Variants in LACTBL1 observed in about 807,000 individuals in gnomAD.
LACTBL1 encodes lactamase beta like 1.
LACTBL1 carries 29 observed loss-of-function variants against 39.6 expected under a neutral mutation model. The ratio of observed to expected loss-of-function variants is 0.73; its 90% CI spans 0.55 to 1.00. LACTBL1 has a LOEUF of 1.00. Among genes scored for constraint, LACTBL1 ranks in the 50% least tolerant of loss-of-function variants. LACTBL1 has a pLI of 0.00. For synonymous variants in LACTBL1, 361 were observed against 360.7 expected (o/e 1.00, Z -0.01); for missense variants, 711 against 748.5 (o/e 0.95, Z 0.59).
upstream of LACTBL1, among the ~76,000 whole-genome samples, chr1:22,966,128 A>G (rs1640873895): frequency 6.6e-6 from 1 of 152,254 alleles, no homozygotes; most frequent in Non-Finnish European, 1.5e-5. Flanking sequence ...CTTGAAAATA[A>G]TAGTACCTAC....
upstream of LACTBL1, among the ~76,000 whole-genome samples, chr1:22,969,770 A>T (rs1354693810): frequency 6.6e-6 from 1 of 151,968 alleles, no homozygotes; most frequent in Non-Finnish European, 1.5e-5. Context: ...AAGCCTTCTC[A>T]TTCTTCCCCA....
At chr1:22,972,512 C>G in the LACTBL1 span, 1 of 801,484 alleles carries the variant, frequency 1.2e-6, no homozygotes, top group Non-Finnish European at 1.5e-6. Flanking sequence ...AGCAGCCCTC[C>G]TCTTCCCATG....
At chr1:22,959,794 C>T in intron 3 of LACTBL1, 148 bp downstream of exon 5, 2 of 926,066 alleles carry the variant, frequency 2.2e-6, no homozygotes, top group Admixed American at 5.6e-5. Context: ...ACTTCGGTCT[C>T]CTCTTCTATA....
rs752926660 is a variant in LACTBL1, at chr1:22,953,958, G to T, written c.726C>A (p.Gly242=). The T allele has an allele frequency of 1.4e-5, 21 of 1,549,568 alleles. No individual in the cohort carries two copies. The East Asian group carries it at 1.5e-4, about 11-fold the overall frequency. ...TCTCCGAGACCCAGCGCTGGTAGTC[G>T]CCCTGGGCGGTGTGAGCTGCCAGGA... The change falls in exon 6 of 6, where the codon GGC becomes GGA. Residue 242 remains glycine (G), a synonymous_variant. Coordinates refer to ENST00000426928, the Ensembl canonical transcript of LACTBL1.
In LACTBL1 at chr1:22,963,098, A is replaced by G; in HGVS notation, c.159+9T>C. On this transcript the variant is annotated intron_variant, in intron 2 of 5. Transcript: ENST00000426928. ...CATATGCCCAGTTTCCTCCTGGGTC[A>G]TCACTGACCTTTTCCAGGGCCTCCT... 3 of 1,277,968 alleles carry G rather than the reference A, an allele frequency of 2.3e-6. No individual in the cohort carries two copies. Among genetic ancestry groups the G allele is most frequent in the Non-Finnish European group, 3.0e-6 (3 of 1,003,538 alleles). 79.2% of individuals were successfully genotyped at this position (1,277,968 alleles called of 1,614,324 possible). A position where few individuals can be genotyped will look rare whatever the true frequency, so the allele number is the denominator to read the frequency against.
At chr1:22,962,441 C>T (rs1300122748) in intron 2 of LACTBL1, among the ~76,000 whole-genome samples, 6 of 152,160 alleles carry the variant, frequency 3.9e-5, no homozygotes, top group Non-Finnish European at 8.8e-5. Context: ...ACCCAAGTGG[C>T]TGGGCTCTGA....
At position 22,953,516 on chromosome 1, in the gene LACTBL1, G is replaced by A. The variant is rs1640729804; in HGVS notation, c.1168C>T (p.Pro390Ser). 14 of 1,235,358 alleles carry A rather than the reference G, an allele frequency of 1.1e-5. No homozygotes were observed. The East Asian group carries it at 4.5e-4, about 39-fold the overall frequency. 76.5% of individuals were successfully genotyped at this position (1,235,358 alleles called of 1,614,324 possible). ...ACCAGGTCGGGCCCGGGCGGCCGTG[G>A]CCCTGCCAGCAGCAGCACCAGGCCC... The change falls in exon 6 of 6, where the codon CCA becomes TCA. Residue 390 changes from proline to serine, a missense_variant. Coordinates refer to ENST00000426928, the Ensembl canonical transcript of LACTBL1.
rs1369705709 is a variant in LACTBL1 at position 22,959,834 on chromosome 1, G to C, written c.317+108C>G. 4.6e-6 allele frequency: 6 copies of C among 1,300,470 alleles called. No homozygotes were observed. In the African/African-American group the frequency reaches 8.9e-5, roughly 19 times the overall value. The allele number at this position is 1,300,470 out of a possible 1,614,324, so 80.6% of individuals were successfully genotyped here. On this transcript the variant is annotated intron_variant, in intron 3 of 5. Coordinates refer to ENST00000426928, the Ensembl canonical transcript of LACTBL1. ...TGTCAAGACTTCATAATAGGCCCTG[G>C]CAGATTAGACCCCAGCCATGATTCT... is the stretch of plus-strand genomic sequence containing the variant.
At chr1:22,963,592 G>A (rs1039274552) in intron 1 of LACTBL1, among the ~76,000 whole-genome samples, 1 of 152,182 alleles carries the variant, frequency 6.6e-6, no homozygotes, top group East Asian at 1.9e-4. Context: ...GGTGGACTTC[G>A]AGCCCCACTT....
intron 1 of LACTBL1, among the ~76,000 whole-genome samples, chr1:22,963,632 T>C (rs959182042): frequency 6.6e-6 from 1 of 152,174 alleles, no homozygotes; most frequent in African/African-American, 2.4e-5. Flanking sequence ...CAGCGACAAC[T>C]CATTCTCTCA....
chr1:22,955,168 C>T (rs935122657), intron 5 of LACTBL1, among the ~76,000 whole-genome samples, 153 bp downstream of exon 7: 1 of 152,184 alleles, frequency 6.6e-6, no homozygotes, highest in Non-Finnish European at 1.5e-5. Context: ...TCTTGCTGGC[C>T]TCCCCTCTCT....
exon 6 of LACTBL1, chr1:22,953,909 C>G: frequency 6.5e-7 from 1 of 1,550,280 alleles, no homozygotes; most frequent in African/African-American, 1.4e-5. Context: ...CCCGTGTCTG[C>G]CATCCCCAGC....
intron 1 of LACTBL1, among the ~76,000 whole-genome samples, 176 bp from the exon 4 acceptor site, chr1:22,963,392 G>C (rs1393508597): frequency 6.6e-6 from 1 of 152,220 alleles, no homozygotes; most frequent in African/African-American, 2.4e-5. Context: ...AGGGAGCAAA[G>C]TGTGCCCTTG....
At chr1:22,956,277 C>T (rs550137686) in intron 4 of LACTBL1, among the ~76,000 whole-genome samples, 1 of 151,698 alleles carries the variant, frequency 6.6e-6, no homozygotes, top group South Asian at 2.1e-4. Context: ...GAGGCTGAGG[C>T]AGGAGGATTG....
At chr1:22,954,069 C>T (rs1264452785) in intron 5 of LACTBL1, 45 bp from the exon 8 acceptor site, 4 of 1,469,778 alleles carry the variant, frequency 2.7e-6, no homozygotes, top group Non-Finnish European at 2.7e-6. Context: ...CTTCCTCACC[C>T]GCCCGCGCTG....
chr1:22,960,219 G>T (rs1442047263), intron 2 of LACTBL1, 120 bp from the exon 5 acceptor site: 17 of 1,231,448 alleles, frequency 1.4e-5, no homozygotes, highest in Non-Finnish European at 1.8e-5. Flanking sequence ...GAGCCTCCCA[G>T]CTATGCCCCA....
upstream of LACTBL1, chr1:22,965,447 G>T (rs952285001): frequency 5.6e-6 from 7 of 1,239,148 alleles, no homozygotes; most frequent in Non-Finnish European, 7.1e-6. Flanking sequence ...AGGACATAAG[G>T]TACAGTCCCC....
intron 4 of LACTBL1, 82 bp downstream of exon 6, chr1:22,958,603 C>T: frequency 1.6e-6 from 2 of 1,221,462 alleles, no homozygotes; most frequent in Non-Finnish European, 2.3e-6. Context: ...AGAGTGAGCC[C>T]AGCCTGGCTG....
At chr1:22,972,462 CT>C in the LACTBL1 span, 4 of 984,860 alleles carry the variant, frequency 4.1e-6, no homozygotes, top group Non-Finnish European at 4.8e-6. Context: ...CAGAGAAAAG[CT>C]AGAAAACAAG....
Sources: allele counts gnomAD v4.1 joint callset (sites outside exome capture counted in the v4.1 genomes callset), GRCh38; gene constraint gnomAD v4.1.1; transcripts MANE v1.5; gene names NCBI Gene and HGNC (gene_info 2026-07-23, HGNC 2026-07-21).